The following CCDC175 variants were observed in gnomAD, a reference collection of about 807,000 sequenced individuals.
CCDC175 encodes the protein coiled-coil domain-containing protein 175.
Under a neutral mutation model 114.6 loss-of-function variants are expected in CCDC175, and 100 were observed. The observed-to-expected ratio is 0.87, with a 90% confidence interval of 0.74 to 1.03. The LOEUF (loss-of-function observed/expected upper bound fraction) is 1.03, where lower values mean the gene tolerates loss of function less well. Ranked by LOEUF, CCDC175 falls within the 50% of genes least tolerant of loss-of-function variation. The pLI is 0.00. For synonymous variants in CCDC175, 306 were observed against 308.7 expected, an observed-to-expected ratio of 0.99 and a Z score of 0.09; for missense variants, 880 against 917.8, an observed-to-expected ratio of 0.96 and a Z score of 0.53.
intron 7 of CCDC175, among the ~76,000 whole-genome samples, chr14:59,551,917 G>A (rs1170891239): frequency 6.6e-6 from 1 of 152,216 alleles, no homozygotes; most frequent in East Asian, 1.9e-4. Context: ...AGCGAGGCTG[G>A]GGGAGGGGCG....
At chr14:59,567,513 T>C (rs992934277) in intron 4 of CCDC175, among the ~76,000 whole-genome samples, 2 of 152,332 alleles carry the variant, frequency 1.3e-5, no homozygotes, top group African/African-American at 4.8e-5. Flanking sequence ...AACATGCTGA[T>C]ATTTATGATA....
intron 8 of CCDC175, among the ~76,000 whole-genome samples, chr14:59,550,836 G>T (rs185402535): frequency 1.3e-5 from 2 of 152,096 alleles, no homozygotes; most frequent in Non-Finnish European, 2.9e-5. Context: ...TTAAGGGTGG[G>T]TCTGCTTTTC....
intron 7 of CCDC175, among the ~76,000 whole-genome samples, chr14:59,556,919 C>A (rs1308032810): frequency 6.6e-6 from 1 of 152,114 alleles, no homozygotes; most frequent in African/African-American, 2.4e-5. Context: ...CAATGAGATA[C>A]CATCTCACAC....
intron 18 of CCDC175, among the ~76,000 whole-genome samples, chr14:59,511,438 C>G (rs1208406545): frequency 6.7e-6 from 1 of 148,590 alleles, no homozygotes; most frequent in Non-Finnish European, 1.5e-5. Flanking sequence ...TTGTCCTGAA[C>G]CAAAATGTGT....
chr14:59,576,800 C>A lies in CCDC175; in HGVS notation c.-25G>T, dbSNP rs944295720. On this transcript the variant is annotated 5_prime_UTR_variant, in exon 1 of 20. The change creates a new upstream start codon in the 5' untranslated region. Coordinates refer to ENST00000537690, the MANE Select transcript of CCDC175 (RefSeq NM_001164399.2). ...TTTTGCCGCTCTACTTGAGCGCCTC[C>A]TAAGCCAGAGCCAAGGATTGCCGGT... 6 of 1,412,176 alleles carry A rather than the reference C, an allele frequency of 4.2e-6. No homozygotes were observed. In the Admixed American group the frequency reaches 1.1e-4, roughly 25 times the overall value. The allele number at this position is 1,412,176 out of a possible 1,614,324, so 87.5% of individuals were successfully genotyped here.
At chr14:59,509,677 T>G (rs1023652336) in intron 19 of CCDC175, among the ~76,000 whole-genome samples, 3 of 152,086 alleles carry the variant, frequency 2.0e-5, no homozygotes, top group Non-Finnish European at 4.4e-5. Context: ...CCTGCTAACT[T>G]TAAAATTATT....
At position 59,505,286 on chromosome 14, in the gene CCDC175, G is replaced by T. The variant is rs1892270620; in HGVS notation, c.2335C>A (p.His779Asn). The T allele has an allele frequency of 1.3e-6, 2 of 1,509,438 alleles. No individual in the cohort carries two copies. The highest frequency in any genetic ancestry group is 2.8e-5 in the African/African-American group (2 of 72,578). The allele number at this position is 1,509,438 out of a possible 1,614,324, so 93.5% of individuals were successfully genotyped here. A position where few individuals can be genotyped will look rare whatever the true frequency, so the allele number is the denominator to read the frequency against. Reference protein sequence around the residue: ...KKKKHIRTRVHFPVVKCTEKN... With the variant: ...KKKKHIRTRVNFPVVKCTEKN... Reference sequence around the variant, plus strand: ...TCAGTACATTTAACCACTGGGAAATGAACCCTTGTACGAATGTGTTTCTTC... The same window carrying T: ...TCAGTACATTTAACCACTGGGAAATTAACCCTTGTACGAATGTGTTTCTTC... The change falls in exon 20 of 20, where the codon CAT becomes AAT. Residue 779 changes from histidine to asparagine, a missense_variant. By Grantham distance (68) the His-to-Asn change is moderately conservative (BLOSUM62 1). Coordinates refer to ENST00000537690, the MANE Select transcript of CCDC175 (RefSeq NM_001164399.2).
chr14:59,527,301 T>C (rs899282344), intron 14 of CCDC175, 127 bp from the exon 15 acceptor site: 4 of 522,650 alleles, frequency 7.7e-6, no homozygotes, highest in Non-Finnish European at 1.3e-5. Flanking sequence ...TGTCAGGCAC[T>C]CCACAATGCT....
chr14:59,505,901 G>A (rs543679942), intron 19 of CCDC175, among the ~76,000 whole-genome samples: 5 of 152,028 alleles, frequency 3.3e-5, no homozygotes, highest in African/African-American at 4.8e-5. Context: ...GAAGTGTTTC[G>A]AATTTCGGGT....
chr14:59,545,987 A>G (rs1339084256), intron 8 of CCDC175, among the ~76,000 whole-genome samples: 5 of 152,248 alleles, frequency 3.3e-5, no homozygotes, highest in Non-Finnish European at 7.3e-5. Flanking sequence ...AAAGGAAAAT[A>G]AATTAATCTA....
chr14:59,539,685 G>T (rs1188839078), intron 11 of CCDC175, among the ~76,000 whole-genome samples: 1 of 152,088 alleles, frequency 6.6e-6, no homozygotes, highest in Admixed American at 6.6e-5. Flanking sequence ...AGGCCAAGGT[G>T]GGCAGATCAC....
intron 14 of CCDC175, among the ~76,000 whole-genome samples, chr14:59,527,896 A>G (rs1202050311): frequency 6.6e-6 from 1 of 150,734 alleles, no homozygotes; most frequent in East Asian, 1.9e-4. Context: ...TTCCTTTTGC[A>G]TTTTTCTTTT....
chr14:59,540,672 T>A lies in CCDC175; in HGVS notation c.1355+3A>T, dbSNP rs1595029824. 2 of 1,476,168 alleles carry A rather than the reference T, an allele frequency of 1.4e-6. No individual in the cohort carries two copies. Among genetic ancestry groups the A allele is most frequent in the East Asian group, 2.5e-5 (1 of 40,522 alleles). 91.4% of individuals were successfully genotyped at this position (1,476,168 alleles called of 1,614,324 possible). On this transcript the variant is annotated splice_donor_region_variant and intron_variant, in intron 11 of 19. Transcript: ENST00000537690. ...ACTTTTTTTTTTTTTTTTTTTTTTT[T>A]ACCATCTCTGACTTTCTCTTTCCAG...
intron 14 of CCDC175, among the ~76,000 whole-genome samples, chr14:59,531,021 G>A (rs1026692358): frequency 1.3e-5 from 2 of 151,896 alleles, no homozygotes; most frequent in African/African-American, 4.8e-5. Context: ...TCTGGGCCAG[G>A]CACAGCACTT....
At chr14:59,540,086 A>C (rs922378679) in intron 11 of CCDC175, among the ~76,000 whole-genome samples, 1 of 152,088 alleles carries the variant, frequency 6.6e-6, no homozygotes, top group East Asian at 1.9e-4. Context: ...AATAATAATA[A>C]TACTAACAAT....
chr14:59,515,263 A>G (rs950523092), intron 17 of CCDC175, among the ~76,000 whole-genome samples: 15 of 152,166 alleles, frequency 9.9e-5, no homozygotes, highest in African/African-American at 2.2e-4. Context: ...ATCCACTAAC[A>G]AGCAAAATAA....
At chr14:59,556,608 A>C (rs1895915600) in intron 7 of CCDC175, among the ~76,000 whole-genome samples, 1 of 152,228 alleles carries the variant, frequency 6.6e-6, no homozygotes, top group Non-Finnish European at 1.5e-5. Context: ...AAAATTGACA[A>C]ATGGGATCTA....
chr14:59,539,248 A>C (rs1306093193), intron 11 of CCDC175, among the ~76,000 whole-genome samples: 2 of 152,222 alleles, frequency 1.3e-5, no homozygotes, highest in Non-Finnish European at 2.9e-5. Context: ...TCTCCACCAC[A>C]ACATTAAAAA....
At position 59,576,626 on chromosome 14, in the gene CCDC175, A is replaced by G; in HGVS notation, c.150T>C (p.Phe50=). 2 of 1,468,398 alleles carry G rather than the reference A, an allele frequency of 1.4e-6. No homozygotes were observed. Among genetic ancestry groups the G allele is most frequent in the Non-Finnish European group, 1.8e-6 (2 of 1,118,234 alleles). The allele number at this position is 1,468,398 out of a possible 1,614,324, so 91.0% of individuals were successfully genotyped here. A position where few individuals can be genotyped will look rare whatever the true frequency, so the allele number is the denominator to read the frequency against. ...GCCCGAGGGGCGTCTTACCCACAAC[A>G]AACAGCTGCTCCAGCGCCTCGACCG... The part of the protein sequence containing the change: ...SVAVEALEQL[F]VVEQSLQSDY... The change falls in exon 1 of 20, where the codon TTT becomes TTC. Residue 50 remains phenylalanine, a synonymous_variant. Coordinates refer to ENST00000537690, the MANE Select transcript of CCDC175 (RefSeq NM_001164399.2).
Sources: allele counts gnomAD v4.1 joint callset (sites outside exome capture counted in the v4.1 genomes callset), GRCh38; gene constraint gnomAD v4.1.1; transcripts MANE v1.5; gene names NCBI Gene and HGNC (gene_info 2026-07-23, HGNC 2026-07-21).